The following GRIK3 variants were observed in gnomAD, a reference collection of about 807,000 sequenced individuals.
GRIK3 encodes the protein glutamate ionotropic receptor kainate type subunit 3.
GRIK3 carries 29 observed loss-of-function variants against 102.5 expected under a neutral mutation model. The observed-to-expected ratio is 0.28, with a 90% CI of 0.21 to 0.39. The LOEUF (loss-of-function observed/expected upper bound fraction) is 0.39, where lower values mean the gene tolerates loss of function less well. GRIK3 is among the 10% of genes least tolerant of loss of function. The pLI, the probability that GRIK3 is intolerant of heterozygous loss-of-function variation, is 1.00. For synonymous variants in GRIK3, 511 were observed against 504.9 expected (o/e 1.01, Z -0.16); for missense variants, 908 against 1,252.4 (o/e 0.73, Z 4.15).
At chr1:37,031,975 TC>T in intron 1 of GRIK3, among the ~76,000 whole-genome samples, 1 of 152,228 alleles carries the variant, frequency 6.6e-6, no homozygotes, top group South Asian at 2.1e-4. Flanking sequence ...AACACCCCAG[TC>T]CATGGGCTGA....
At chr1:36,963,325 G>A (rs752305247) in intron 1 of GRIK3, among the ~76,000 whole-genome samples, 1 of 152,134 alleles carries the variant, frequency 6.6e-6, no homozygotes, top group East Asian at 1.9e-4. Context: ...CAAACCCCCC[G>A]CTCAGCCTCC....
At chr1:36,935,209 C>T (rs1641641707) in intron 1 of GRIK3, among the ~76,000 whole-genome samples, 2 of 151,962 alleles carry the variant, frequency 1.3e-5, no homozygotes, top group Admixed American at 1.3e-4. Context: ...CAGCACGGTG[C>T]CTGACACATA....
intron 1 of GRIK3, among the ~76,000 whole-genome samples, chr1:36,932,130 T>C (rs986608460): frequency 5.3e-5 from 8 of 152,164 alleles, no homozygotes; most frequent in African/African-American, 1.7e-4. Context: ...TCTCCGCTTG[T>C]TTCTCCTTCC....
intron 5 of GRIK3, 150 bp from the exon 6 acceptor site, chr1:36,860,167 G>A (rs1387894665): frequency 8.4e-6 from 5 of 593,242 alleles, no homozygotes; most frequent in East Asian, 2.9e-5. Flanking sequence ...GGATATCGGG[G>A]TAGTCACAGG....
intron 1 of GRIK3, among the ~76,000 whole-genome samples, chr1:36,917,584 G>A (rs758923421): frequency 3.3e-5 from 5 of 152,160 alleles, no homozygotes; most frequent in Admixed American, 2.6e-4. Flanking sequence ...TAAGTCTCAC[G>A]AGATTTAATA....
intron 10 of GRIK3, among the ~76,000 whole-genome samples, chr1:36,827,026 T>C (rs747070226): frequency 6.6e-6 from 1 of 152,170 alleles, no homozygotes; most frequent in Non-Finnish European, 1.5e-5. Context: ...CCTCTTCTTA[T>C]AGTCTCATTC....
At chr1:37,004,106 G>A (rs1342905882) in intron 1 of GRIK3, among the ~76,000 whole-genome samples, 1 of 152,090 alleles carries the variant, frequency 6.6e-6, no homozygotes, top group Non-Finnish European at 1.5e-5. Context: ...GACAAAGGAA[G>A]CCACCTTCTA....
At chr1:36,912,258 C>T (rs773078676) in intron 1 of GRIK3, among the ~76,000 whole-genome samples, 6 of 152,162 alleles carry the variant, frequency 3.9e-5, no homozygotes, top group Non-Finnish European at 5.9e-5. Context: ...TCAGCTTCCA[C>T]GATCTCTGAT....
intron 1 of GRIK3, among the ~76,000 whole-genome samples, chr1:37,030,925 A>C (rs1642820355): frequency 6.6e-6 from 1 of 152,136 alleles, no homozygotes; most frequent in Non-Finnish European, 1.5e-5. Flanking sequence ...GAAATGGCCC[A>C]ACAAACTGGT....
rs146612196 is a variant in GRIK3 at position 36,850,123 on chromosome 1, G to A, written c.1326+188C>T. Reference sequence around the variant, plus strand: ...GAGACACAAAAACGCAGCGGCTTCCGCCCGTGGCAGCGAGCAGCGCTGCTG... The same window carrying A: ...GAGACACAAAAACGCAGCGGCTTCCACCCGTGGCAGCGAGCAGCGCTGCTG... On this transcript the variant is annotated intron_variant, in intron 9 of 15. Transcript: ENST00000373091. This position sits in a 1 kb window ranked among gnomAD's most constrained non-coding sequence, Gnocchi z 4.0. The A allele has an allele frequency of 1.4e-5, 8 of 575,942 alleles. No homozygotes were observed. The highest frequency in any genetic ancestry group is 2.2e-5 in the Non-Finnish European group (7 of 322,964). 35.7% of individuals were successfully genotyped at this position (575,942 alleles called of 1,614,324 possible).
At chr1:36,941,698 T>G (rs1471314735) in intron 1 of GRIK3, among the ~76,000 whole-genome samples, 2 of 152,234 alleles carry the variant, frequency 1.3e-5, no homozygotes, top group Non-Finnish European at 2.9e-5. Flanking sequence ...GGGCGCTTTC[T>G]AGGCATTATC....
rs114565001 is a variant in GRIK3, at chr1:36,847,730, A to C, written c.1326+2581T>G. ...GTGGAGAAACTGAGGCACAGGGCGGATAAGCAATTTCTTAGGGTCATATGG... is the reference window on the plus strand; with the variant it reads ...GTGGAGAAACTGAGGCACAGGGCGGCTAAGCAATTTCTTAGGGTCATATGG... On this transcript the variant is annotated intron_variant, in intron 9 of 15. Coordinates refer to ENST00000373091, the MANE Select transcript of GRIK3 (RefSeq NM_000831.4). 5.7e-3 allele frequency among the ~76,000 whole-genome samples: 875 copies of C among 152,362 alleles called. 6 individuals carry two copies. Among genetic ancestry groups the C allele is most frequent in the African/African-American group, 0.02 (838 of 41,576 alleles).
chr1:36,838,594 C>T (rs568933), intron 10 of GRIK3, among the ~76,000 whole-genome samples: 31,018 of 151,994 alleles, frequency 0.2, 3,917 homozygotes, highest in African/African-American at 0.36. Context: ...CCATGTGGCA[C>T]GGGACAGAGG....
At chr1:37,008,051 T>C (rs535230981) in intron 1 of GRIK3, among the ~76,000 whole-genome samples, 2 of 152,308 alleles carry the variant, frequency 1.3e-5, no homozygotes, top group East Asian at 1.9e-4. Context: ...GAGAAACACC[T>C]TGTGTCTCAC....
chr1:36,842,032 A>G (rs1239527508), intron 9 of GRIK3, 93 bp from the exon 10 acceptor site: 5 of 1,026,834 alleles, frequency 4.9e-6, no homozygotes, highest in Admixed American at 3.4e-5. Flanking sequence ...ACCTCTGCTC[A>G]TGTTTTTATA....
chr1:36,992,669 C>T lies in GRIK3; in HGVS notation c.115+41325G>A, dbSNP rs376231472. ...CCTGTTGAGTGCTCCTACCTAGGCT[C>T]AGTGGAGGGCAGTACTTATAAACAT... On this transcript the variant is annotated intron_variant, in intron 1 of 15. Transcript: ENST00000373091. Among the ~76,000 whole-genome samples the T allele has an allele frequency of 5.3e-5, 8 of 152,276 alleles. No homozygotes were observed. The South Asian group carries it at 1.2e-3, about 24-fold the overall frequency.
At chr1:36,962,882 T>A (rs1413245573) in intron 1 of GRIK3, among the ~76,000 whole-genome samples, 3 of 56,036 alleles carry the variant, frequency 5.4e-5, no homozygotes, top group Non-Finnish European at 3.0e-5. Flanking sequence ...AGACTCCCTC[T>A]CAAAAAAAAA....
intron 1 of GRIK3, among the ~76,000 whole-genome samples, chr1:36,987,492 A>T (rs1642318652): frequency 6.6e-6 from 1 of 152,192 alleles, no homozygotes; most frequent in Non-Finnish European, 1.5e-5. Flanking sequence ...ACTTGGGCTC[A>T]ATCCCATGGG....
Position 37,002,069 on chromosome 1 carries a change from T to G in GRIK3, c.115+31925A>C, listed in dbSNP as rs186328214. 1.1e-3 allele frequency among the ~76,000 whole-genome samples: 171 copies of G among 151,922 alleles called. 2 individuals are homozygous for G. Among genetic ancestry groups the G allele is most frequent in the African/African-American group, 4.0e-3 (165 of 41,396 alleles). Reference sequence around the variant, plus strand: ...AGAGCAACAAGCATCCAAAGGGGAGTGTACCCAGCCTCAGGACTGCAAAAG... The same window carrying G: ...AGAGCAACAAGCATCCAAAGGGGAGGGTACCCAGCCTCAGGACTGCAAAAG... On this transcript the variant is annotated intron_variant, in intron 1 of 15. Coordinates refer to ENST00000373091, the MANE Select transcript of GRIK3 (RefSeq NM_000831.4).
Sources: gnomAD v4.1 joint callset for allele counts (sites outside exome capture counted in the v4.1 genomes callset) on GRCh38, gnomAD v4.1.1 for gene constraint, Gnocchi (gnomAD v3.1) non-coding constraint, MANE v1.5 for transcripts, NCBI Gene and HGNC (gene_info 2026-07-23, HGNC 2026-07-21) for gene names.